FHIT: variants seen among roughly 807,000 people sequenced by gnomAD.
FHIT encodes bis(5'-adenosyl)-triphosphatase.
Under a neutral mutation model 17.9 loss-of-function variants are expected in FHIT, and 19 were observed. The ratio of observed to expected loss-of-function variants is 1.06; its 90% confidence interval spans 0.74 to 1.56. The LOEUF (loss-of-function observed/expected upper bound fraction) is 1.56, where lower values mean the gene tolerates loss of function less well. FHIT is among the 40% of genes most tolerant of loss of function. FHIT has a pLI of 0.00. For synonymous variants in FHIT, 81 were observed against 69.7 expected (o/e 1.16, Z -0.81); for missense variants, 248 against 189.2 (o/e 1.31, Z -1.82).
rs75981755 is a variant in FHIT at position 60,202,817 on chromosome 3, T to C, written c.104-188665A>G. ...CTTCGTGCAGGTCTAAGTGGAGCCA[T>C]GACAACCTGAGGCACATTTGTAGAT... On this transcript the variant is annotated intron_variant, in intron 5 of 9. Transcript: ENST00000492590. 2.2e-4 allele frequency among the ~76,000 whole-genome samples: 33 copies of C among 152,256 alleles called. No homozygotes were observed. In the East Asian group the frequency reaches 4.2e-3, roughly 20 times the overall value.
chr3:60,241,198 C>T, intron 5 of FHIT, among the ~76,000 whole-genome samples: 1 of 152,026 alleles, frequency 6.6e-6, no homozygotes, highest in Non-Finnish European at 1.5e-5. Context: ...AAACTTCTTC[C>T]TAAATTCTGT....
At chr3:59,869,520 C>T (rs895666829) in intron 8 of FHIT, among the ~76,000 whole-genome samples, 28 of 101,714 alleles carry the variant, frequency 2.8e-4, no homozygotes, top group African/African-American at 1.1e-3. Flanking sequence ...CTCGCTCTGT[C>T]GCCCAGGCTG....
chr3:60,785,934 C>CAGAG (rs60858106), intron 4 of FHIT, among the ~76,000 whole-genome samples: 91 of 137,890 alleles, frequency 6.6e-4, no homozygotes, highest in African/African-American at 2.3e-3. Flanking sequence ...CACACACACA[C>CAGAG]AGAGAGAGTA....
chr3:60,987,492 G>C (rs1384225077), intron 3 of FHIT, among the ~76,000 whole-genome samples: 2 of 152,178 alleles, frequency 1.3e-5, no homozygotes, highest in South Asian at 2.1e-4. Context: ...CGGCCCATAA[G>C]AGATACTTTT....
chr3:60,687,819 T>C (rs1178566886), intron 4 of FHIT, among the ~76,000 whole-genome samples: 1 of 152,196 alleles, frequency 6.6e-6, no homozygotes, highest in Non-Finnish European at 1.5e-5. Context: ...CTTTGTTTCA[T>C]GTATTTTGAG....
At chr3:61,026,048 G>A (rs2032714726) in intron 3 of FHIT, among the ~76,000 whole-genome samples, 1 of 151,992 alleles carries the variant, frequency 6.6e-6, no homozygotes, top group African/African-American at 2.4e-5. Flanking sequence ...TGGGTGATAG[G>A]ATCATACATC....
chr3:59,773,839 C>T (rs1702180367), intron 8 of FHIT, among the ~76,000 whole-genome samples: 1 of 152,158 alleles, frequency 6.6e-6, no homozygotes, highest in Admixed American at 6.5e-5. Flanking sequence ...ATGTGACTAC[C>T]AGGCCCCTGT....
intron 4 of FHIT, among the ~76,000 whole-genome samples, chr3:60,645,769 A>G (rs1350883062): frequency 6.6e-6 from 1 of 152,150 alleles, no homozygotes; most frequent in Non-Finnish European, 1.5e-5. Flanking sequence ...TACGGTTTCT[A>G]TAACAACTTC....
chr3:60,121,254 C>T (rs2107220680), intron 5 of FHIT, among the ~76,000 whole-genome samples: 1 of 152,196 alleles, frequency 6.6e-6, no homozygotes, highest in South Asian at 2.1e-4. Flanking sequence ...ATTAATGCTA[C>T]TAAAGTAAAA....
chr3:59,893,406 CAT>C (rs1232219925), intron 8 of FHIT, among the ~76,000 whole-genome samples: 1 of 152,148 alleles, frequency 6.6e-6, no homozygotes, highest in Non-Finnish European at 1.5e-5. Flanking sequence ...AAGAATATAA[CAT>C]GAACTGATTG....
chr3:59,783,041 G>A (rs1204468473), intron 8 of FHIT, among the ~76,000 whole-genome samples: 1 of 152,092 alleles, frequency 6.6e-6, no homozygotes, highest in African/African-American at 2.4e-5. Context: ...CTGGGGAGTA[G>A]GGGTCCAGTC....
At chr3:60,045,222 G>T (rs371413982) in intron 5 of FHIT, among the ~76,000 whole-genome samples, 15 of 152,136 alleles carry the variant, frequency 9.9e-5, no homozygotes, top group African/African-American at 3.6e-4. Flanking sequence ...AACTTAAAAT[G>T]GTTAAAATGA....
intron 8 of FHIT, among the ~76,000 whole-genome samples, chr3:59,829,440 G>T (rs554066490): frequency 1.1e-4 from 17 of 152,166 alleles, no homozygotes; most frequent in Non-Finnish European, 2.5e-4. Flanking sequence ...TTCAAAATTA[G>T]ATCTGTGGGA....
At chr3:60,661,172 G>A (rs1428760967) in intron 4 of FHIT, among the ~76,000 whole-genome samples, 21 of 152,044 alleles carry the variant, frequency 1.4e-4, no homozygotes, top group Admixed American at 1.4e-3. Context: ...AGTATACACT[G>A]TACCCAATTT....
At position 61,131,342 on chromosome 3, in the gene FHIT, G is replaced by A. The variant is rs542737194; in HGVS notation, c.-164+69275C>T. Among the ~76,000 whole-genome samples the A allele has an allele frequency of 2.6e-5, 4 of 152,296 alleles. No individual in the cohort carries two copies. The Middle Eastern group carries it at 0.01, about 389-fold the overall frequency. ...TTTTAGTGGACATCAGCATCAGTAA[G>A]TTGCCATCCCAAGGAACAAAGTCAA... On this transcript the variant is annotated intron_variant, in intron 2 of 9. Transcript: ENST00000492590.
intron 4 of FHIT, among the ~76,000 whole-genome samples, chr3:60,688,900 T>C (rs1553699052): frequency 6.6e-6 from 1 of 152,296 alleles, no homozygotes; most frequent in South Asian, 2.1e-4. Context: ...TGTCTGTGGG[T>C]TCCACATCTG....
intron 8 of FHIT, among the ~76,000 whole-genome samples, chr3:59,785,588 G>C (rs1195746036): frequency 6.6e-6 from 1 of 152,030 alleles, no homozygotes; most frequent in Non-Finnish European, 1.5e-5. Context: ...CAAAGTGCTG[G>C]GATTACAGGC....
intron 3 of FHIT, among the ~76,000 whole-genome samples, chr3:60,931,569 C>T (rs1267381420): frequency 4.0e-5 from 6 of 149,468 alleles, no homozygotes; most frequent in African/African-American, 9.7e-5. Context: ...GCGGTCAAAT[C>T]GCCTCAGAAG....
At chr3:61,210,415 A>G (rs1446557593) in intron 1 of FHIT, among the ~76,000 whole-genome samples, 1 of 152,226 alleles carries the variant, frequency 6.6e-6, no homozygotes, top group East Asian at 1.9e-4. Context: ...TGGAGCCTAC[A>G]GAGGCAGACA....
Sources: gnomAD v4.1 joint callset for allele counts (sites outside exome capture counted in the v4.1 genomes callset) on GRCh38, gnomAD v4.1.1 for gene constraint, MANE v1.5 for transcripts, NCBI Gene and HGNC (gene_info 2026-07-23, HGNC 2026-07-21) for gene names.